POC1B: variants seen among roughly 807,000 people sequenced by gnomAD.
POC1B encodes POC1 centriolar protein B.
A neutral mutation model predicts 60.6 loss-of-function variants in POC1B; 44 were observed. The ratio of observed to expected loss-of-function variants is 0.73; its 90% confidence interval spans 0.57 to 0.93. The LOEUF (loss-of-function observed/expected upper bound fraction) is 0.93. Among genes scored for constraint, POC1B ranks in the 40% least tolerant of loss-of-function variants. POC1B has a pLI of 0.00. For missense variants in POC1B, 555 were observed against 572.3 expected (o/e 0.97, Z 0.31); for synonymous variants, 180 against 198.9 (o/e 0.90, Z 0.80).
At chr12:89,461,754 G>A (rs1184909690) in intron 9 of POC1B, 1 of 152,178 alleles carries the variant, frequency 6.6e-6, no homozygotes, top group Admixed American at 6.5e-5. Context: ...TGGTAAGGAT[G>A]AGGGGCAATC....
At chr12:89,467,035 A>G in intron 8 of POC1B, 113 bp from the exon 9 acceptor site, 1 of 739,762 alleles carries the variant, frequency 1.4e-6, no homozygotes, top group Non-Finnish European at 2.0e-6. Context: ...AAGGGTAGAT[A>G]TATATTTCAA....
rs1305928203 is a variant in POC1B, at chr12:89,459,570, A to C, written c.1113+68T>G. 5 of 939,794 alleles carry C rather than the reference A, an allele frequency of 5.3e-6. No individual in the cohort carries two copies. The East Asian group carries it at 1.4e-4, about 27-fold the overall frequency. 58.2% of individuals were successfully genotyped at this position (939,794 alleles called of 1,614,324 possible). A position where few individuals can be genotyped will look rare whatever the true frequency, so the allele number is the denominator to read the frequency against. On this transcript the variant is annotated intron_variant, in intron 10 of 11. Coordinates refer to ENST00000313546, the MANE Select transcript of POC1B (RefSeq NM_172240.3). The stretch of plus-strand genomic sequence containing the variant: ...CTCCTCCCCCAACATTTTTTAAAGG[A>C]AAATGGATTATGCCAAATGATTAAA...
chr12:89,501,397 G>C, intron 2 of POC1B: 1 of 999,502 alleles, frequency 1.0e-6, no homozygotes, highest in African/African-American at 1.6e-5. Flanking sequence ...ACCAGCTGAA[G>C]AACAGCTCGA....
At chr12:89,439,389 A>C (rs890199451) in intron 10 of POC1B, among the ~76,000 whole-genome samples, 1 of 152,016 alleles carries the variant, frequency 6.6e-6, no homozygotes, top group African/African-American at 2.4e-5. Context: ...AGTTCTCCCA[A>C]CCTTTCACTT....
rs77055147 is a variant in POC1B at position 89,508,491 on chromosome 12, G to A, written c.101-11149C>T. Among the ~76,000 whole-genome samples the A allele has an allele frequency of 6.8e-3, 1,030 of 152,280 alleles. 12 individuals are homozygous for A. Among genetic ancestry groups the A allele is most frequent in the African/African-American group, 0.024 (995 of 41,554 alleles). ...AAAGTTATGTTGTACCCTTAGCAGT[G>A]CATCATATTAGGGTGCACATGATGT... On this transcript the variant is annotated intron_variant, in intron 2 of 11. Coordinates refer to ENST00000313546, the MANE Select transcript of POC1B (RefSeq NM_172240.3).
intron 10 of POC1B, among the ~76,000 whole-genome samples, chr12:89,445,952 C>A (rs1881767755): frequency 6.6e-6 from 1 of 152,148 alleles, no homozygotes; most frequent in South Asian, 2.1e-4. Context: ...AGGATATAAA[C>A]AGACACTTCT....
At chr12:89,525,607 C>T (rs1871401972) in intron 1 of POC1B, 4 of 1,287,228 alleles carry the variant, frequency 3.1e-6, no homozygotes, top group East Asian at 3.0e-5. Context: ...CCACGGAAAC[C>T]CTCCGAGAAT....
intron 2 of POC1B, chr12:89,500,936 C>T (rs1038547994): frequency 5.4e-6 from 5 of 921,454 alleles, no homozygotes; most frequent in African/African-American, 4.9e-5. Context: ...AATCCAGTCC[C>T]ATTGTTAGGC....
the POC1B span, among the ~76,000 whole-genome samples, chr12:89,410,412 G>C: frequency 6.6e-6 from 1 of 152,158 alleles, no homozygotes; most frequent in Non-Finnish European, 1.5e-5. Flanking sequence ...GGGCGCGGTG[G>C]CTCACACCTG....
rs61748629 is a variant in POC1B at position 89,421,157 on chromosome 12, C to A, written c.1433G>T (p.Ser478Ile). 5.5e-4 allele frequency: 876 copies of A among 1,582,182 alleles called. 5 individuals carry two copies. The African/African-American group carries it at 0.01, about 18-fold the overall frequency. ...AAATGAAAATGAATTTTTTATTCAG[C>A]TTTTCTGTTGGACAGCACTGAAAAG... The part of the protein sequence containing the change: ...QKLFSAVQQK[S>I] Residue 478 changes from serine to isoleucine, a missense_variant, in exon 12 of 12, where the codon AGC (serine) becomes ATC (isoleucine). By Grantham distance (142) the Ser-to-Ile change is moderately radical. Coordinates refer to ENST00000313546, the MANE Select transcript of POC1B (RefSeq NM_172240.3).
chr12:89,419,445 CTA>C (rs1232526420), downstream of POC1B, among the ~76,000 whole-genome samples: 4 of 152,202 alleles, frequency 2.6e-5, no homozygotes, highest in East Asian at 7.7e-4. Context: ...ACTGTAAAAA[CTA>C]TGTGGCAACA....
chr12:89,496,916 T>G, intron 3 of POC1B: 1 of 411,088 alleles, frequency 2.4e-6, no homozygotes. Context: ...AAGGGATGGA[T>G]AGCTACCACT....
At chr12:89,524,394 G>T in intron 2 of POC1B, 1 of 1,614,012 alleles carries the variant, frequency 6.2e-7, no homozygotes, top group Non-Finnish European at 8.5e-7. Context: ...TATTTTTCTG[G>T]AGGTCTGAGA....
At chr12:89,464,333 C>T (rs756850341) in intron 9 of POC1B, among the ~76,000 whole-genome samples, 4 of 152,048 alleles carry the variant, frequency 2.6e-5, no homozygotes, top group Non-Finnish European at 5.9e-5. Flanking sequence ...AAGTTTTGAA[C>T]TAAGTAGTCT....
chr12:89,418,230 G>A (rs1009326432), downstream of POC1B, among the ~76,000 whole-genome samples: 2 of 152,212 alleles, frequency 1.3e-5, no homozygotes, highest in African/African-American at 4.8e-5. Flanking sequence ...GTTCTAGGCA[G>A]AGGAAATGTA....
intron 9 of POC1B, 159 bp from the exon 10 acceptor site, chr12:89,459,877 G>T (rs1882419006): frequency 2.1e-6 from 1 of 478,200 alleles, no homozygotes; most frequent in Admixed American, 3.8e-5. Flanking sequence ...CTAAATGTTA[G>T]CCTACCAATT....
In POC1B at chr12:89,425,211, C is replaced by G. The variant is rs752406510; in HGVS notation, c.1282G>C (p.Val428Leu). 6.2e-7 allele frequency: 1 copy of G among 1,614,170 alleles called. No individual in the cohort carries two copies. The highest frequency in any genetic ancestry group is 1.7e-5 in the Admixed American group (1 of 60,020). Residue 428 changes from valine (V) to leucine (L), a missense_variant, in exon 11 of 12, where the codon GTG becomes CTG. Physicochemically the swap from Val to Leu is conservative, Grantham distance 32. Coordinates refer to ENST00000313546, the MANE Select transcript of POC1B (RefSeq NM_172240.3). ...ATAATATGCTCTAAAGCATCAGTCA[C>G]AGCGAGAGGTATGCTCCTTTGACTT... The part of the protein sequence containing the change: ...CESQRSIPLA[V>L]TDALEHIMEQ...
chr12:89,423,322 G>T (rs1456951325), intron 11 of POC1B, among the ~76,000 whole-genome samples: 2 of 152,052 alleles, frequency 1.3e-5, no homozygotes, highest in African/African-American at 2.4e-5. Flanking sequence ...AATAAAAGAA[G>T]AAATGGGGTC....
the POC1B span, among the ~76,000 whole-genome samples, chr12:89,408,677 C>T: frequency 3.3e-5 from 5 of 151,960 alleles, no homozygotes; most frequent in African/African-American, 7.2e-5. Flanking sequence ...TTAGTAGAGA[C>T]GGGGTTTCAC....
Sources: gnomAD v4.1 joint callset for allele counts (sites outside exome capture counted in the v4.1 genomes callset) on GRCh38, gnomAD v4.1.1 for gene constraint, MANE v1.5 for transcripts, NCBI Gene and HGNC (gene_info 2026-07-23, HGNC 2026-07-21) for gene names.